The following RNF216 variants were observed in gnomAD, a reference collection of about 807,000 sequenced individuals.
The protein encoded by RNF216 is ring finger protein 216, also known as E3 ubiquitin-protein ligase RNF216.
A neutral mutation model predicts 110.8 loss-of-function variants in RNF216; 72 were observed. The observed-to-expected ratio is 0.65, with a 90% CI of 0.54 to 0.79. The LOEUF (loss-of-function observed/expected upper bound fraction) is 0.79, where lower values mean the gene tolerates loss of function less well. RNF216 is among the 30% of genes least tolerant of loss of function. The pLI is 0.00. For missense variants in RNF216, 1,342 were observed against 1,141.2 expected (o/e 1.18, Z -2.54); for synonymous variants, 495 against 407.5 (o/e 1.21, Z -2.59).
chr7:5,770,024 C>CAAAAAAAAAAAAAAA (rs1163710982), intron 1 of RNF216, among the ~76,000 whole-genome samples: 3 of 24,138 alleles, frequency 1.2e-4, no homozygotes, highest in Non-Finnish European at 2.0e-4. Context: ...AGACCCATCT[C>CAAAAAAAAAAAAAAA]AAAAAAAAAA....
Position 5,741,177 on chromosome 7 carries a change from C to G in RNF216, c.840G>C (p.Gln280His), listed in dbSNP as rs144900235. The change falls in exon 4 of 17, where the codon CAG becomes CAC. Residue 280 changes from glutamine (Q) to histidine (H), a missense_variant. By Grantham distance (24) the Gln-to-His change is conservative. Transcript: ENST00000389902. ...PGPAFPRPEP[Q>H]QGGISGPSSP... ...AAGAGGGGCCTGAAATCCCACCTTG[C>G]TGGGGTTCCGGCCTTGGAAAAGCGG... The G allele has an allele frequency of 1.2e-6, 2 of 1,613,988 alleles. No individual in the cohort carries two copies. The highest frequency in any genetic ancestry group is 1.3e-5 in the African/African-American group (1 of 74,904).
intron 15 of RNF216, among the ~76,000 whole-genome samples, chr7:5,632,587 G>A (rs1307661675): frequency 3.9e-5 from 6 of 152,154 alleles, no homozygotes. Flanking sequence ...GACCAGCCTG[G>A]CCAACATGGC....
intron 3 of RNF216, among the ~76,000 whole-genome samples, chr7:5,744,790 T>C (rs939971061): frequency 1.3e-5 from 2 of 152,062 alleles, no homozygotes; most frequent in Admixed American, 6.6e-5. Context: ...CTGACCAACA[T>C]GGTGAAACCC....
At chr7:5,697,365 T>C (rs1791694867) in intron 13 of RNF216, among the ~76,000 whole-genome samples, 1 of 152,166 alleles carries the variant, frequency 6.6e-6, no homozygotes, top group Non-Finnish European at 1.5e-5. Context: ...TCAATACATA[T>C]CTGCTGAACG....
intron 13 of RNF216, among the ~76,000 whole-genome samples, chr7:5,673,239 G>A (rs1030425453): frequency 1.3e-5 from 2 of 152,218 alleles, no homozygotes; most frequent in African/African-American, 4.8e-5. Context: ...AAGCCACAAG[G>A]TGTACAGCAT....
In RNF216 at chr7:5,778,338, C is replaced by A. The variant is rs150837969; in HGVS notation, c.-70+3203G>T. 2.9e-4 allele frequency among the ~76,000 whole-genome samples: 44 copies of A among 152,294 alleles called. No homozygotes were observed. In the East Asian group the frequency reaches 7.5e-3, roughly 26 times the overall value. On this transcript the variant is annotated intron_variant, in intron 1 of 16. Transcript: ENST00000389902. Reference sequence around the variant, plus strand: ...GACCAAATTAACTCTATTCATTGTTCGGTTCTTTGCTTTCTCCTCAGAGAA... The same window carrying A: ...GACCAAATTAACTCTATTCATTGTTAGGTTCTTTGCTTTCTCCTCAGAGAA...
At chr7:5,688,306 A>C (rs978444266) in intron 13 of RNF216, among the ~76,000 whole-genome samples, 1 of 152,272 alleles carries the variant, frequency 6.6e-6, no homozygotes, top group Non-Finnish European at 1.5e-5. Context: ...ATAAAAAAAC[A>C]GACTCACATA....
intron 13 of RNF216, among the ~76,000 whole-genome samples, chr7:5,706,585 A>C (rs1792304489): frequency 6.6e-6 from 1 of 152,246 alleles, no homozygotes; most frequent in African/African-American, 2.4e-5. Flanking sequence ...CAAAGGCTGC[A>C]TAATATACCA....
chr7:5,780,366 G>A (rs1283991511), intron 1 of RNF216: 1 of 152,108 alleles, frequency 6.6e-6, no homozygotes, highest in Non-Finnish European at 1.5e-5. Flanking sequence ...GTGAACGTGT[G>A]GGTTTTCAGC....
At chr7:5,756,643 C>G (rs1795658585) in intron 2 of RNF216, among the ~76,000 whole-genome samples, 1 of 152,144 alleles carries the variant, frequency 6.6e-6, no homozygotes, top group African/African-American at 2.4e-5. Context: ...GTTTTTGCGA[C>G]AGGGTCGCTC....
intron 13 of RNF216, among the ~76,000 whole-genome samples, chr7:5,670,710 G>T (rs1034313479): frequency 3.3e-5 from 5 of 152,200 alleles, no homozygotes; most frequent in Non-Finnish European, 4.4e-5. Context: ...GTGTAACTGG[G>T]TCTCGTAACA....
chr7:5,707,716 T>G (rs1404767161), intron 13 of RNF216, among the ~76,000 whole-genome samples: 1 of 135,930 alleles, frequency 7.4e-6, no homozygotes, highest in African/African-American at 2.8e-5. Context: ...TGTGTGTGTG[T>G]GGTTTTTTTT....
At chr7:5,730,320 G>A (rs181317063) in intron 6 of RNF216, among the ~76,000 whole-genome samples, 10 of 152,222 alleles carry the variant, frequency 6.6e-5, no homozygotes, top group Admixed American at 1.3e-4. Context: ...ACCAGTGGTA[G>A]GTATATAAAT....
At chr7:5,749,205 C>T (rs1246799815) in intron 3 of RNF216, among the ~76,000 whole-genome samples, 1 of 146,888 alleles carries the variant, frequency 6.8e-6, no homozygotes, top group Admixed American at 6.9e-5. Context: ...GGCTAGAGTG[C>T]AGTGGCGTGA....
At chr7:5,764,847 A>G (rs1341018908) in intron 1 of RNF216, among the ~76,000 whole-genome samples, 1 of 152,030 alleles carries the variant, frequency 6.6e-6, no homozygotes, top group African/African-American at 2.4e-5. Context: ...CGGGACAATC[A>G]CTGGAGGTCA....
At chr7:5,651,723 A>T (rs1389023765) in intron 14 of RNF216, among the ~76,000 whole-genome samples, 1 of 151,652 alleles carries the variant, frequency 6.6e-6, no homozygotes, top group Non-Finnish European at 1.5e-5. Context: ...ATCTTGGCTC[A>T]CTGCAACCTC....
intron 1 of RNF216, among the ~76,000 whole-genome samples, chr7:5,764,815 C>G (rs574437744): frequency 6.6e-6 from 1 of 152,006 alleles, no homozygotes; most frequent in East Asian, 1.9e-4. Flanking sequence ...GCCTATAATC[C>G]CACCACTTTG....
chr7:5,730,912 C>G lies in RNF216; in HGVS notation c.1122-95G>C, dbSNP rs527471011. The G allele has an allele frequency of 2.4e-5, 36 of 1,528,870 alleles. No homozygotes were observed. In the Admixed American group the frequency reaches 5.7e-4, roughly 24 times the overall value. The allele number at this position is 1,528,870 out of a possible 1,614,324, so 94.7% of individuals were successfully genotyped here. A position where few individuals can be genotyped will look rare whatever the true frequency, so the allele number is the denominator to read the frequency against. On this transcript the variant is annotated intron_variant, in intron 5 of 16. Transcript: ENST00000389902. ...ATGGTTGAAGAATATAGTCCTTAGT[C>G]ACACATTACAACTGGCCTATCAAGA...
intron 15 of RNF216, among the ~76,000 whole-genome samples, chr7:5,631,649 G>A (rs1008162783): frequency 1.3e-5 from 2 of 150,650 alleles, no homozygotes; most frequent in Non-Finnish European, 2.9e-5. Flanking sequence ...AAAACTCAGG[G>A]ATTTGGTTCT....
Sources: allele counts gnomAD v4.1 joint callset (sites outside exome capture counted in the v4.1 genomes callset), GRCh38; gene constraint gnomAD v4.1.1; transcripts MANE v1.5; gene names NCBI Gene and HGNC (gene_info 2026-07-23, HGNC 2026-07-21).